Variants in FSTL1 observed in about 807,000 individuals in gnomAD.
FSTL1 encodes follistatin-related protein 1.
Under a neutral mutation model 45.9 loss-of-function variants are expected in FSTL1, and 24 were observed. That is an observed-to-expected ratio of 0.52 (90% CI 0.38 to 0.74). The LOEUF (loss-of-function observed/expected upper bound fraction) is 0.74. Among genes scored for constraint, FSTL1 ranks in the 30% least tolerant of loss-of-function variants. FSTL1 has a pLI of 0.00. For missense variants in FSTL1, 340 were observed against 381.8 expected (o/e 0.89, Z 0.91); for synonymous variants, 120 against 137.6 (o/e 0.87, Z 0.89).
intron 2 of FSTL1, among the ~76,000 whole-genome samples, chr3:120,445,280 T>C (rs1937712856): frequency 6.7e-6 from 1 of 149,988 alleles, no homozygotes; most frequent in African/African-American, 2.5e-5. Context: ...ATGTTAAAAA[T>C]AACATCCAAA....
At chr3:120,436,820 G>A (rs1576226004) in intron 2 of FSTL1, among the ~76,000 whole-genome samples, 1 of 152,168 alleles carries the variant, frequency 6.6e-6, no homozygotes, top group East Asian at 1.9e-4. Flanking sequence ...CAAAACCAGG[G>A]ATGGTGGTGC....
intron 9 of FSTL1, among the ~76,000 whole-genome samples, chr3:120,402,467 TTAAA>T (rs1448227966): frequency 2.6e-5 from 4 of 151,984 alleles, no homozygotes; most frequent in South Asian, 2.1e-4. Flanking sequence ...GTTTTAATTA[TTAAA>T]TAATTACTAT....
At chr3:120,447,897 C>T (rs1012719008) in intron 2 of FSTL1, among the ~76,000 whole-genome samples, 19 of 152,204 alleles carry the variant, frequency 1.2e-4, no homozygotes, top group African/African-American at 4.6e-4. Context: ...GCAGTCCTCC[C>T]GTCTTGGCCT....
At chr3:120,423,997 A>G (rs978097327) in intron 2 of FSTL1, 2 of 152,250 alleles carry the variant, frequency 1.3e-5, no homozygotes, top group Non-Finnish European at 1.5e-5. Context: ...GCCAATGTAG[A>G]GAGTATAAAT....
rs536142907 is a variant in FSTL1, at chr3:120,424,311, C to T, written c.64-8284G>A. 6.6e-5 allele frequency among the ~76,000 whole-genome samples: 10 copies of T among 152,148 alleles called. No homozygotes were observed. In the East Asian group the frequency reaches 1.9e-3, roughly 30 times the overall value. On this transcript the variant is annotated intron_variant, in intron 2 of 10. Transcript: ENST00000295633. Reference sequence around the variant, plus strand: ...AGTGAGACCCTGTCTCTAAAAATAACAACAAAAAACCCAAAAAGGAGCAGA... The same window carrying T: ...AGTGAGACCCTGTCTCTAAAAATAATAACAAAAAACCCAAAAAGGAGCAGA...
chr3:120,410,042 A>G (rs1353637660), intron 5 of FSTL1: 6 of 162,594 alleles, frequency 3.7e-5, no homozygotes, highest in Non-Finnish European at 6.7e-5. Context: ...TGAGAATATT[A>G]CAGTTTTTAT....
intron 7 of FSTL1, among the ~76,000 whole-genome samples, chr3:120,404,330 C>A (rs1351764504): frequency 1.3e-5 from 2 of 152,134 alleles, no homozygotes; most frequent in Non-Finnish European, 2.9e-5. Flanking sequence ...ATTTTTAATT[C>A]TTACCGATGT....
Position 120,396,574 on chromosome 3 carries a change from C to T in FSTL1, c.*378G>A, listed in dbSNP as rs1011684514. 9 of 185,044 alleles carry T rather than the reference C, an allele frequency of 4.9e-5. No homozygotes were observed. Among genetic ancestry groups the T allele is most frequent in the Non-Finnish European group, 6.7e-5 (6 of 89,124 alleles). The allele number at this position is 185,044 out of a possible 1,614,324, so 11.5% of individuals were successfully genotyped here. A position where few individuals can be genotyped will look rare whatever the true frequency, so the allele number is the denominator to read the frequency against. On this transcript the variant is annotated 3_prime_UTR_variant, in exon 11 of 11. Transcript: ENST00000295633. ...CGTGGAGCTTCCCAAACCTCTCCTC[C>T]GGGGACACCCTGCTAAGTTCTCTCT...
rs1301994605 is a variant in FSTL1 at position 120,395,333 on chromosome 3, A to C, written c.*1619T>G. Reference sequence around the variant, plus strand: ...CTGAAACAGGGTAGTGAGTGGGGTTAATAATCACAGAAGTCGAAAGACACA... The same window carrying C: ...CTGAAACAGGGTAGTGAGTGGGGTTCATAATCACAGAAGTCGAAAGACACA... On this transcript the variant is annotated 3_prime_UTR_variant, in exon 11 of 11. Coordinates refer to ENST00000295633, the MANE Select transcript of FSTL1 (RefSeq NM_007085.5). 7.8e-6 allele frequency: 2 copies of C among 257,446 alleles called. No individual in the cohort carries two copies. Among genetic ancestry groups the C allele is most frequent in the Non-Finnish European group, 1.5e-5 (2 of 133,318 alleles). The allele number at this position is 257,446 out of a possible 1,614,324, so 15.9% of individuals were successfully genotyped here. A position where few individuals can be genotyped will look rare whatever the true frequency, so the allele number is the denominator to read the frequency against.
At chr3:120,409,418 G>C (rs1348947651) in intron 6 of FSTL1, 114 bp downstream of exon 6, 3 of 927,232 alleles carry the variant, frequency 3.2e-6, no homozygotes, top group Middle Eastern at 2.8e-4. Context: ...GGAAACTCAG[G>C]GTGTCTGTGC....
At chr3:120,415,742 G>T in intron 3 of FSTL1, 181 bp downstream of exon 3, 1 of 495,982 alleles carries the variant, frequency 2.0e-6, no homozygotes, top group Non-Finnish European at 3.6e-6. Flanking sequence ...TTTTTTAAAA[G>T]AAAAAATATC....
chr3:120,439,205 G>C (rs1191614777), intron 2 of FSTL1, among the ~76,000 whole-genome samples: 1 of 152,166 alleles, frequency 6.6e-6, no homozygotes, highest in Non-Finnish European at 1.5e-5. Flanking sequence ...ACCTCTGACA[G>C]GCTCCAGGCT....
At chr3:120,417,202 C>T (rs1937201083) in intron 2 of FSTL1, among the ~76,000 whole-genome samples, 1 of 152,184 alleles carries the variant, frequency 6.6e-6, no homozygotes, top group Non-Finnish European at 1.5e-5. Flanking sequence ...CCATGTCTAC[C>T]ACATTATGCA....
intron 6 of FSTL1, among the ~76,000 whole-genome samples, chr3:120,407,165 G>A (rs900834055): frequency 7.2e-5 from 11 of 152,208 alleles, no homozygotes; most frequent in Admixed American, 3.9e-4. Flanking sequence ...CTGTAGGGTT[G>A]TGGAAAGGCA....
At chr3:120,398,377 T>C (rs1330239960) in intron 10 of FSTL1, among the ~76,000 whole-genome samples, 1 of 152,194 alleles carries the variant, frequency 6.6e-6, no homozygotes, top group Non-Finnish European at 1.5e-5. Flanking sequence ...TGCCAGCACC[T>C]GCATCTCTGC....
At position 120,403,500 on chromosome 3, in the gene FSTL1, G is replaced by A. The variant is rs1310285594; in HGVS notation, c.582-146C>T. On this transcript the variant is annotated intron_variant, in intron 7 of 10. Transcript: ENST00000295633. ...AACTAAAACAGCCTCTCTCTACACT[G>A]ACCCAACACAACTATTATCCATCCT... 5 of 591,054 alleles carry A rather than the reference G, an allele frequency of 8.5e-6. No individual in the cohort carries two copies. The Admixed American group carries it at 1.5e-4, about 18-fold the overall frequency. 36.6% of individuals were successfully genotyped at this position (591,054 alleles called of 1,614,324 possible).
chr3:120,407,547 T>C (rs1936970825), intron 6 of FSTL1, among the ~76,000 whole-genome samples: 1 of 152,208 alleles, frequency 6.6e-6, no homozygotes, highest in Non-Finnish European at 1.5e-5. Context: ...TCTAATTCAA[T>C]TTGGTTTTTG....
chr3:120,430,345 T>A (rs1937455743), intron 2 of FSTL1, among the ~76,000 whole-genome samples: 1 of 152,206 alleles, frequency 6.6e-6, no homozygotes, highest in Non-Finnish European at 1.5e-5. Flanking sequence ...TGGGCCAACA[T>A]GCCTAATTTA....
chr3:120,429,467 T>C (rs1274500508), intron 2 of FSTL1, among the ~76,000 whole-genome samples: 1 of 152,220 alleles, frequency 6.6e-6, no homozygotes, highest in Admixed American at 6.5e-5. Context: ...CTGTGACACA[T>C]GGTCACCTTA....
Sources: gnomAD v4.1 joint callset for allele counts (sites outside exome capture counted in the v4.1 genomes callset) on GRCh38, gnomAD v4.1.1 for gene constraint, MANE v1.5 for transcripts, NCBI Gene and HGNC (gene_info 2026-07-23, HGNC 2026-07-21) for gene names.